The following ATP8A1 variants were observed in gnomAD, a reference collection of about 807,000 sequenced individuals.
ATP8A1 encodes the protein phospholipid-transporting ATPase IA.
In ATP8A1, 90 loss-of-function variants were observed where a neutral mutation model predicts 177.7. That is an observed-to-expected ratio of 0.51 (90% CI 0.43 to 0.60). ATP8A1 has a LOEUF of 0.60. ATP8A1 is among the 20% of genes least tolerant of loss of function. The pLI, the probability that ATP8A1 is intolerant of heterozygous loss-of-function variation, is 0.00. For missense variants in ATP8A1, 1,072 were observed against 1,392.8 expected, an observed-to-expected ratio of 0.77 and a Z score of 3.67; for synonymous variants, 493 against 485.9, an observed-to-expected ratio of 1.01 and a Z score of -0.19.
intron 14 of ATP8A1, among the ~76,000 whole-genome samples, chr4:42,574,335 A>G (rs976997010): frequency 1.3e-5 from 2 of 152,204 alleles, no homozygotes; most frequent in African/African-American, 4.8e-5. Flanking sequence ...TGTAAAAGGA[A>G]ATATATTTGT....
At chr4:42,557,412 T>C (rs1230205760) in intron 15 of ATP8A1, among the ~76,000 whole-genome samples, 2 of 152,246 alleles carry the variant, frequency 1.3e-5, no homozygotes, top group Non-Finnish European at 2.9e-5. Context: ...AAATGGTTTG[T>C]AGCTGTACTT....
chr4:42,538,837 A>C (rs1489277360), intron 20 of ATP8A1, among the ~76,000 whole-genome samples: 1 of 152,202 alleles, frequency 6.6e-6, no homozygotes, highest in Non-Finnish European at 1.5e-5. Flanking sequence ...ACCACTATGG[A>C]AAACAGTGTG....
Position 42,555,143 on chromosome 4 carries a change from TATCTATCTATCTATC to T in ATP8A1, c.1413+810_1413+824del, listed in dbSNP as rs1560454768. ...TATCTATCTATCTATCTATCTAATC[TATCTATCTATCTATC>T]TATCTATCTATCTATCTATCTATCT... is the stretch of plus-strand genomic sequence containing the variant. On this transcript the variant is annotated intron_variant, in intron 16 of 36. Coordinates refer to ENST00000381668, the MANE Select transcript of ATP8A1 (RefSeq NM_006095.2). Among the ~76,000 whole-genome samples, 70 of 64,828 alleles carry T rather than the reference TATCTATCTATCTATC, an allele frequency of 1.1e-3. 1 individual carries two copies. The highest frequency in any genetic ancestry group is 2.1e-3 in the East Asian group (5 of 2,416). The allele number at this position is 64,828 out of a possible 152,430, so 42.5% of individuals were successfully genotyped here. A position where few individuals can be genotyped will look rare whatever the true frequency, so the allele number is the denominator to read the frequency against.
chr4:42,602,403 G>T (rs1038316713), intron 5 of ATP8A1, among the ~76,000 whole-genome samples: 1 of 152,196 alleles, frequency 6.6e-6, no homozygotes, highest in Non-Finnish European at 1.5e-5. Context: ...CGGTAGAAAA[G>T]CAAGAGGTGC....
intron 19 of ATP8A1, among the ~76,000 whole-genome samples, chr4:42,546,232 C>G (rs1335474556): frequency 6.6e-6 from 1 of 152,110 alleles, no homozygotes; most frequent in Non-Finnish European, 1.5e-5. Context: ...TTAACATACT[C>G]TGTTCTCGCC....
At chr4:42,479,278 A>G (rs1305599398) in intron 25 of ATP8A1, among the ~76,000 whole-genome samples, 1 of 152,220 alleles carries the variant, frequency 6.6e-6, no homozygotes, top group Non-Finnish European at 1.5e-5. Context: ...CAAAGCCTAC[A>G]GATACTTACT....
intron 23 of ATP8A1, among the ~76,000 whole-genome samples, chr4:42,503,849 C>T (rs1055706803): frequency 2.0e-5 from 3 of 152,154 alleles, no homozygotes; most frequent in African/African-American, 7.2e-5. Flanking sequence ...ACGATTGTTT[C>T]TAGAAAATAG....
chr4:42,452,036 A>G lies in ATP8A1; in HGVS notation c.2841T>C (p.Asn947=), dbSNP rs370755030. 2.5e-5 allele frequency: 40 copies of G among 1,613,074 alleles called. No individual in the cohort carries two copies. Among genetic ancestry groups the G allele is most frequent in the Non-Finnish European group, 3.3e-5 (39 of 1,179,506 alleles). ...ACAGAATAACTGAGTGGAAGAGGCC[A>G]TTTAAACAATGAACCCAGAAAACCT... The part of the protein sequence containing the change: ...NTKVFWVHCL[N]GLFHSVILFW... The change falls in exon 30 of 37, where the codon AAT becomes AAC. Residue 947 remains asparagine, a synonymous_variant. Coordinates refer to ENST00000381668, the MANE Select transcript of ATP8A1 (RefSeq NM_006095.2).
chr4:42,567,430 T>C (rs1432704727), intron 15 of ATP8A1, among the ~76,000 whole-genome samples: 1 of 152,102 alleles, frequency 6.6e-6, no homozygotes, highest in African/African-American at 2.4e-5. Flanking sequence ...TCCCAGCTAC[T>C]CGGGAGGCTG....
intron 25 of ATP8A1, among the ~76,000 whole-genome samples, chr4:42,484,336 C>T (rs1281147556): frequency 6.6e-6 from 1 of 151,864 alleles, no homozygotes; most frequent in East Asian, 1.9e-4. Flanking sequence ...TTAATACATA[C>T]CACAGAAAAG....
chr4:42,548,990 A>T, intron 19 of ATP8A1, 23 bp downstream of exon 19: 7 of 1,580,040 alleles, frequency 4.4e-6, no homozygotes, highest in Non-Finnish European at 6.1e-6. Flanking sequence ...TTATCCATAC[A>T]AATCACTGAG....
chr4:42,435,426 C>CAAAAAAAAAAAAAAAAAAAAAA (rs55945370), intron 33 of ATP8A1, among the ~76,000 whole-genome samples: 3 of 93,972 alleles, frequency 3.2e-5, no homozygotes, highest in Admixed American at 1.1e-4. Context: ...GACTTCATCT[C>CAAAAAAAAAAAAAAAAAAAAAA]AAAAAAAAAA....
At chr4:42,632,385 G>C (rs947184856) in intron 1 of ATP8A1, among the ~76,000 whole-genome samples, 5 of 152,062 alleles carry the variant, frequency 3.3e-5, no homozygotes, top group African/African-American at 1.2e-4. Context: ...AAGCAATTTT[G>C]TTTTCTGAAT....
intron 20 of ATP8A1, among the ~76,000 whole-genome samples, chr4:42,528,407 G>T (rs1726926634): frequency 6.6e-6 from 1 of 152,168 alleles, no homozygotes; most frequent in Non-Finnish European, 1.5e-5. Context: ...CAGGGGTGGT[G>T]ATTCCCACCA....
In ATP8A1 at chr4:42,521,002, G is replaced by A. The variant is rs139517269; in HGVS notation, c.1947+1158C>T. Among the ~76,000 whole-genome samples the A allele has an allele frequency of 1.8e-4, 28 of 152,222 alleles. No homozygotes were observed. The East Asian group carries it at 3.7e-3, about 20-fold the overall frequency. On this transcript the variant is annotated intron_variant, in intron 22 of 36. Transcript: ENST00000381668. ...CCCACATTACATAAAGGGAGGGGAC[G>A]TGAGGAGCAGAGGGGGGAAATAGTC...
chr4:42,565,904 T>C (rs2109305715), intron 15 of ATP8A1, among the ~76,000 whole-genome samples: 1 of 152,318 alleles, frequency 6.6e-6, no homozygotes, highest in Admixed American at 6.5e-5. Context: ...TCCAAAGTAT[T>C]GATACTATCA....
intron 1 of ATP8A1, among the ~76,000 whole-genome samples, chr4:42,636,140 A>G (rs1435384153): frequency 0.03 from 1,129 of 38,174 alleles, 12 homozygotes; most frequent in African/African-American, 0.068. Flanking sequence ...ACACACACAC[A>G]CACACACACA....
chr4:42,473,169 CTTAAGTA>C (rs201497631), intron 25 of ATP8A1, among the ~76,000 whole-genome samples: 202 of 152,262 alleles, frequency 1.3e-3, no homozygotes, highest in African/African-American at 4.2e-3. Flanking sequence ...CAAGTATTTA[CTTAAGTA>C]TTAAGTGATC....
chr4:42,426,619 T>C (rs1714652516), intron 33 of ATP8A1, among the ~76,000 whole-genome samples: 3 of 152,282 alleles, frequency 2.0e-5, no homozygotes, highest in Non-Finnish European at 2.9e-5. Context: ...ATAACATTGA[T>C]TATTAACAAA....
Sources: allele counts gnomAD v4.1 joint callset (sites outside exome capture counted in the v4.1 genomes callset), GRCh38; gene constraint gnomAD v4.1.1; transcripts MANE v1.5; gene names NCBI Gene and HGNC (gene_info 2026-07-23, HGNC 2026-07-21).